ZSCAN25: variants seen among roughly 807,000 people sequenced by gnomAD.
The protein encoded by ZSCAN25 is zinc finger and SCAN domain containing 25.
In ZSCAN25, 27 loss-of-function variants were observed where a neutral mutation model predicts 38.7. The observed-to-expected ratio is 0.70, with a 90% CI of 0.51 to 0.96. ZSCAN25 has a LOEUF of 0.96. Ranked by LOEUF, ZSCAN25 falls within the 40% of genes least tolerant of loss-of-function variation. The pLI is 0.00. For missense variants in ZSCAN25, 637 were observed against 705.9 expected, an observed-to-expected ratio of 0.90 and a Z score of 1.11; for synonymous variants, 273 against 277.7, an observed-to-expected ratio of 0.98 and a Z score of 0.17.
chr7:99,684,224 T>A, the ZSCAN25 span, among the ~76,000 whole-genome samples: 1 of 150,864 alleles, frequency 6.6e-6, no homozygotes, highest in South Asian at 2.1e-4. Context: ...GGCTGGAGTG[T>A]AATGGTGCGT....
chr7:99,699,963 C>T, the ZSCAN25 span: 2 of 1,602,502 alleles, frequency 1.2e-6, no homozygotes. Flanking sequence ...CAGTTACTGA[C>T]AGATAGAGGA....
intron 5 of ZSCAN25, chr7:99,621,826 C>G (rs1806992963): frequency 2.9e-6 from 1 of 344,554 alleles, no homozygotes; most frequent in Non-Finnish European, 5.2e-6. Context: ...CCTCAGATCC[C>G]TTCTAGAAAC....
At position 99,631,208 on chromosome 7, in the gene ZSCAN25, C is replaced by T. The variant is rs1807974408; in HGVS notation, c.*1188C>T. On this transcript the variant is annotated 3_prime_UTR_variant, in exon 8 of 8. Transcript: ENST00000394152. ...GCCCTGAAATGCATTTGTCACCTAC[C>T]TCTTGTTACTAAATGGTCTCTGCCC... The T allele has an allele frequency of 3.0e-6, 3 of 985,314 alleles. No individual in the cohort carries two copies. The highest frequency in any genetic ancestry group is 4.7e-5 in the South Asian group (1 of 21,290). The allele number at this position is 985,314 out of a possible 1,614,324, so 61.0% of individuals were successfully genotyped here.
rs1301592608 is a variant in ZSCAN25, at chr7:99,621,420, A to C, written c.435A>C (p.Arg145Ser). 3 of 1,525,524 alleles carry C rather than the reference A, an allele frequency of 2.0e-6. No homozygotes were observed. Among genetic ancestry groups the C allele is most frequent in the Non-Finnish European group, 1.8e-6 (2 of 1,129,282 alleles). The allele number at this position is 1,525,524 out of a possible 1,614,324, so 94.5% of individuals were successfully genotyped here. The change falls in exon 5 of 8, where the codon AGA (arginine) becomes AGC (serine). Residue 145 changes from arginine (R) to serine (S), a missense_variant. By Grantham distance (110) the Arg-to-Ser change is moderately radical. Coordinates refer to ENST00000394152, the MANE Select transcript of ZSCAN25 (RefSeq NM_145115.3). Reference protein sequence around the residue: ...QGEQEETALCRGAWEPGIQLG... With the variant: ...QGEQEETALCSGAWEPGIQLG... ...AGCAGGAGGAAACAGCACTTTGCAG[A>C]GGCGCTTGGGAGCCAGGCATCCAGC...
the ZSCAN25 span, among the ~76,000 whole-genome samples, chr7:99,715,082 G>A: frequency 7.9e-5 from 12 of 152,286 alleles, 1 homozygote; most frequent in African/African-American, 2.9e-4. Flanking sequence ...CCTATCATAG[G>A]ATAAAGCTAA....
downstream of ZSCAN25, among the ~76,000 whole-genome samples, chr7:99,634,774 G>A (rs898051104): frequency 5.9e-5 from 9 of 152,122 alleles, no homozygotes; most frequent in African/African-American, 1.9e-4. Flanking sequence ...TGCAGCCTGG[G>A]GGACAGAGTG....
chr7:99,675,757 G>T, the ZSCAN25 span, among the ~76,000 whole-genome samples: 6 of 137,612 alleles, frequency 4.4e-5, no homozygotes, highest in East Asian at 1.3e-3. Flanking sequence ...GCAGTGGTGC[G>T]ATCACAGCTC....
the ZSCAN25 span, chr7:99,720,510 T>A: frequency 3.8e-6 from 5 of 1,307,380 alleles, no homozygotes; most frequent in Middle Eastern, 3.7e-4. Flanking sequence ...CATTACATAA[T>A]CCTCTAGATG....
At chr7:99,695,119 C>G in the ZSCAN25 span, among the ~76,000 whole-genome samples, 8 of 152,226 alleles carry the variant, frequency 5.3e-5, no homozygotes, top group African/African-American at 1.9e-4. Flanking sequence ...AGAAGTAAAG[C>G]AGAACACCTT....
chr7:99,643,240 C>A, the ZSCAN25 span, among the ~76,000 whole-genome samples: 1 of 152,020 alleles, frequency 6.6e-6, no homozygotes, highest in Admixed American at 6.5e-5. Context: ...TCTCCCCATA[C>A]CCCTAAGCAA....
the ZSCAN25 span, among the ~76,000 whole-genome samples, chr7:99,735,367 T>G: frequency 6.6e-6 from 1 of 152,122 alleles, no homozygotes; most frequent in African/African-American, 2.4e-5. Context: ...TGAGTTAATA[T>G]TCTATGTAGA....
chr7:99,730,593 T>C, the ZSCAN25 span: 1 of 162,506 alleles, frequency 6.2e-6, no homozygotes, highest in Admixed American at 5.7e-5. Flanking sequence ...CCTAATAAAC[T>C]GAGTTTCCAA....
chr7:99,623,041 T>C (rs1290159731), intron 6 of ZSCAN25, among the ~76,000 whole-genome samples: 2 of 152,278 alleles, frequency 1.3e-5, no homozygotes, highest in Non-Finnish European at 2.9e-5. Flanking sequence ...CTCCTGATCT[T>C]GTGATCCACC....
At chr7:99,623,027 C>T (rs886681685) in intron 6 of ZSCAN25, among the ~76,000 whole-genome samples, 1 of 152,136 alleles carries the variant, frequency 6.6e-6, no homozygotes, top group African/African-American at 2.4e-5. Context: ...AGGATGGTCT[C>T]GATCTCCTGA....
the ZSCAN25 span, among the ~76,000 whole-genome samples, chr7:99,726,202 A>C: frequency 6.6e-6 from 1 of 152,010 alleles, no homozygotes; most frequent in African/African-American, 2.4e-5. Context: ...AACTGATCAC[A>C]TGCCCATTAC....
At chr7:99,717,803 C>T in the ZSCAN25 span, among the ~76,000 whole-genome samples, 4 of 152,182 alleles carry the variant, frequency 2.6e-5, no homozygotes, top group African/African-American at 9.7e-5. Flanking sequence ...TCCCACATGC[C>T]CAGCCACCTG....
the ZSCAN25 span, among the ~76,000 whole-genome samples, chr7:99,735,559 T>G: frequency 1.3e-5 from 2 of 152,170 alleles, no homozygotes; most frequent in African/African-American, 4.8e-5. Flanking sequence ...TACCTATGCC[T>G]GGAGTGTGCC....
the ZSCAN25 span, among the ~76,000 whole-genome samples, chr7:99,722,900 G>A: frequency 6.6e-6 from 1 of 152,186 alleles, no homozygotes; most frequent in Non-Finnish European, 1.5e-5. Context: ...AAATGAGTGA[G>A]TGACAGAATG....
At chr7:99,619,485 C>G (rs1396737888) in intron 3 of ZSCAN25, 76 bp from the exon 4 acceptor site, 1 of 1,188,432 alleles carries the variant, frequency 8.4e-7, no homozygotes, top group Non-Finnish European at 1.2e-6. Context: ...TTACTGTGTT[C>G]TCCAGTGGAA....
Sources: gnomAD v4.1 joint callset for allele counts (sites outside exome capture counted in the v4.1 genomes callset) on GRCh38, gnomAD v4.1.1 for gene constraint, MANE v1.5 for transcripts, NCBI Gene and HGNC (gene_info 2026-07-23, HGNC 2026-07-21) for gene names.